The following CSMD3 variants were observed in gnomAD, a reference collection of about 807,000 sequenced individuals.
CSMD3 encodes CUB and Sushi multiple domains 3, also known as CUB and sushi domain-containing protein 3.
CSMD3 carries 177 observed loss-of-function variants against 435.2 expected under a neutral mutation model. The ratio of observed to expected loss-of-function variants is 0.41; its 90% CI spans 0.36 to 0.46. CSMD3 has a LOEUF of 0.46. Among genes scored for constraint, CSMD3 ranks in the 20% least tolerant of loss-of-function variants. CSMD3 has a pLI of 0.34. For missense variants in CSMD3, 4,265 were observed against 4,504.6 expected, an observed-to-expected ratio of 0.95 and a Z score of 1.52; for synonymous variants, 1,656 against 1,520.5, an observed-to-expected ratio of 1.09 and a Z score of -2.07.
At chr8:112,230,352 G>C (rs1812974916) in intron 69 of CSMD3, among the ~76,000 whole-genome samples, 1 of 152,166 alleles carries the variant, frequency 6.6e-6, no homozygotes, top group Admixed American at 6.5e-5. Context: ...TTCATGTAGA[G>C]AAAGCTAATT....
At chr8:112,968,780 G>A (rs2084524932) in intron 7 of CSMD3, among the ~76,000 whole-genome samples, 1 of 151,868 alleles carries the variant, frequency 6.6e-6, no homozygotes, top group African/African-American at 2.4e-5. Flanking sequence ...TGAAAGATAA[G>A]ATGTACAATA....
At chr8:113,311,528 A>G (rs1308690032) in intron 2 of CSMD3, 1 of 152,148 alleles carries the variant, frequency 6.6e-6, no homozygotes, top group Non-Finnish European at 1.5e-5. Context: ...TGGAAGAAAG[A>G]GAACAGCAAA....
At chr8:112,875,268 G>T (rs1469855513) in intron 10 of CSMD3, among the ~76,000 whole-genome samples, 1 of 152,052 alleles carries the variant, frequency 6.6e-6, no homozygotes, top group Admixed American at 6.5e-5. Flanking sequence ...TGGCTTGTAG[G>T]GTTTCTGCAG....
At chr8:112,854,429 T>A (rs934249148) in intron 11 of CSMD3, among the ~76,000 whole-genome samples, 14 of 152,100 alleles carry the variant, frequency 9.2e-5, no homozygotes, top group African/African-American at 3.1e-4. Context: ...GGCTAACATA[T>A]CCAAGACTAC....
intron 1 of CSMD3, among the ~76,000 whole-genome samples, chr8:113,334,023 T>C (rs1423371403): frequency 2.0e-5 from 3 of 151,848 alleles, no homozygotes; most frequent in Non-Finnish European, 4.4e-5. Context: ...ATTTTATATT[T>C]TCTTAATGAG....
At chr8:112,883,924 G>A (rs1487786353) in intron 10 of CSMD3, among the ~76,000 whole-genome samples, 2 of 151,844 alleles carry the variant, frequency 1.3e-5, no homozygotes, top group Non-Finnish European at 2.9e-5. Flanking sequence ...GAGTTTCTGA[G>A]CTGGCAATGT....
chr8:112,842,794 T>C (rs2080217852), intron 11 of CSMD3, among the ~76,000 whole-genome samples: 1 of 151,788 alleles, frequency 6.6e-6, no homozygotes, highest in Admixed American at 6.6e-5. Context: ...ACAATGAATA[T>C]TTACTATTTA....
At chr8:113,087,200 C>G (rs561629177) in intron 5 of CSMD3, among the ~76,000 whole-genome samples, 6 of 152,232 alleles carry the variant, frequency 3.9e-5, no homozygotes, top group African/African-American at 1.4e-4. Context: ...AAAGTGGCAT[C>G]TTTTTTATGA....
At chr8:112,370,788 T>C (rs79125420) in intron 38 of CSMD3, among the ~76,000 whole-genome samples, 3 of 152,150 alleles carry the variant, frequency 2.0e-5, no homozygotes, top group Admixed American at 6.5e-5. Flanking sequence ...CTTTATTATA[T>C]TTTCACCTTT....
At chr8:112,332,679 G>A (rs1309596547) in intron 45 of CSMD3, among the ~76,000 whole-genome samples, 1 of 152,104 alleles carries the variant, frequency 6.6e-6, no homozygotes, top group Non-Finnish European at 1.5e-5. Flanking sequence ...AATCTCCATA[G>A]CTGTTGATTC....
At chr8:112,586,869 A>T (rs1180888471) in intron 23 of CSMD3, among the ~76,000 whole-genome samples, 197 bp downstream of exon 23, 6 of 151,610 alleles carry the variant, frequency 4.0e-5, no homozygotes, top group Admixed American at 4.0e-4. Flanking sequence ...AAAAATTGGA[A>T]ACAAAACATA....
chr8:112,238,158 A>G (rs1813770120), intron 66 of CSMD3, among the ~76,000 whole-genome samples: 1 of 152,056 alleles, frequency 6.6e-6, no homozygotes, highest in South Asian at 2.1e-4. Context: ...AAGCTGAGGT[A>G]TAGGATTAAT....
chr8:113,074,675 TTTA>T (rs1193786313), intron 5 of CSMD3, among the ~76,000 whole-genome samples: 1 of 151,854 alleles, frequency 6.6e-6, no homozygotes, highest in African/African-American at 2.4e-5. Flanking sequence ...TCTTTATAGC[TTTA>T]TTTACTTTAT....
chr8:112,278,538 G>A (rs1818309411), intron 59 of CSMD3, among the ~76,000 whole-genome samples: 1 of 152,120 alleles, frequency 6.6e-6, no homozygotes, highest in African/African-American at 2.4e-5. Context: ...AGGCTCAGAT[G>A]AATGTCTTAC....
chr8:112,481,710 T>C (rs919248304), intron 31 of CSMD3, among the ~76,000 whole-genome samples: 5 of 152,168 alleles, frequency 3.3e-5, no homozygotes, highest in African/African-American at 1.2e-4. Flanking sequence ...TCATGGAGCA[T>C]TTTTTAAGAG....
At chr8:112,605,067 A>G (rs1431739058) in intron 22 of CSMD3, among the ~76,000 whole-genome samples, 1 of 152,228 alleles carries the variant, frequency 6.6e-6, no homozygotes, top group Non-Finnish European at 1.5e-5. Context: ...ATACAAATCA[A>G]AACCACAATG....
At chr8:112,324,391 T>C (rs1823295319) in intron 45 of CSMD3, among the ~76,000 whole-genome samples, 1 of 152,126 alleles carries the variant, frequency 6.6e-6, no homozygotes, top group African/African-American at 2.4e-5. Flanking sequence ...CCTAACACAT[T>C]TAATTTAGTT....
chr8:112,620,050 G>A (rs1833949962), intron 22 of CSMD3, among the ~76,000 whole-genome samples: 1 of 151,972 alleles, frequency 6.6e-6, no homozygotes, highest in African/African-American at 2.4e-5. Context: ...GGTTGGGAGT[G>A]GGGGTATAGT....
At chr8:112,699,370 C>T (rs988575729) in intron 13 of CSMD3, among the ~76,000 whole-genome samples, 1 of 152,124 alleles carries the variant, frequency 6.6e-6, no homozygotes, top group African/African-American at 2.4e-5. Context: ...CCGCTAGGGT[C>T]CACGGCTTCA....
Sources: allele counts gnomAD v4.1 joint callset (sites outside exome capture counted in the v4.1 genomes callset), GRCh38; gene constraint gnomAD v4.1.1; transcripts MANE v1.5; gene names NCBI Gene and HGNC (gene_info 2026-07-23, HGNC 2026-07-21).